HUNK: variants seen among roughly 807,000 people sequenced by gnomAD.
HUNK encodes hormonally up-regulated neu tumor-associated kinase.
A neutral mutation model predicts 61.0 loss-of-function variants in HUNK; 21 were observed. That is an observed-to-expected ratio of 0.34 (90% CI 0.24 to 0.50). The LOEUF (loss-of-function observed/expected upper bound fraction) is 0.50. Ranked by LOEUF, HUNK falls within the 20% of genes least tolerant of loss-of-function variation. The pLI is 0.98. For missense variants in HUNK, 772 were observed against 945.7 expected (o/e 0.82, Z 2.41); for synonymous variants, 371 against 386.1 (o/e 0.96, Z 0.46).
At chr21:31,879,430 T>C (rs1007796605) in intron 1 of HUNK, among the ~76,000 whole-genome samples, 2 of 152,204 alleles carry the variant, frequency 1.3e-5, no homozygotes, top group African/African-American at 4.8e-5. Context: ...TGCCTCATCT[T>C]TTTGAAGTAC....
intron 1 of HUNK, among the ~76,000 whole-genome samples, chr21:31,923,549 G>C (rs191783824): frequency 7.7e-6 from 1 of 130,426 alleles, no homozygotes; most frequent in East Asian, 2.7e-4. Flanking sequence ...AAGGAAGGAA[G>C]GAAAGAAGGA....
intron 7 of HUNK, among the ~76,000 whole-genome samples, chr21:31,976,459 C>T (rs1234112549): frequency 9.4e-5 from 6 of 63,614 alleles, no homozygotes; most frequent in Non-Finnish European, 1.1e-4. Context: ...TTTTTTGAGA[C>T]TTTTTTTTTT....
intron 2 of HUNK, among the ~76,000 whole-genome samples, chr21:31,931,574 G>A (rs747789575): frequency 6.6e-6 from 1 of 151,970 alleles, no homozygotes; most frequent in Non-Finnish European, 1.5e-5. Context: ...CGGGTTGGCG[G>A]GTCCATTAGA....
In HUNK at chr21:31,968,399, C is replaced by T; in HGVS notation, c.1010+14C>T. On this transcript the variant is annotated intron_variant, in intron 6 of 10. Coordinates refer to ENST00000270112, the MANE Select transcript of HUNK (RefSeq NM_014586.2). ...CTATCCCAACAGGTAATTTCGTGCA[C>T]CCAGAGGAACTCCTCGGGAGAGACG... 6.2e-7 allele frequency: 1 copy of T among 1,614,028 alleles called. No homozygotes were observed. Among genetic ancestry groups the T allele is most frequent in the East Asian group, 2.2e-5 (1 of 44,874 alleles).
chr21:31,933,862 A>G (rs1389654476), intron 2 of HUNK, among the ~76,000 whole-genome samples: 1 of 152,038 alleles, frequency 6.6e-6, no homozygotes, highest in Non-Finnish European at 1.5e-5. Flanking sequence ...GCAGGACTGA[A>G]GGAAGATCCT....
chr21:31,923,602 G>A (rs997209341), intron 1 of HUNK, among the ~76,000 whole-genome samples: 1 of 150,686 alleles, frequency 6.6e-6, no homozygotes, highest in Non-Finnish European at 1.5e-5. Flanking sequence ...AGGGAGGGAA[G>A]GGAAGGAAAA....
At chr21:31,996,287 A>G (rs2053205412) in intron 10 of HUNK, among the ~76,000 whole-genome samples, 1 of 152,134 alleles carries the variant, frequency 6.6e-6, no homozygotes, top group South Asian at 2.1e-4. Flanking sequence ...GGCAGAGATG[A>G]GGCTGTAAGG....
intron 1 of HUNK, among the ~76,000 whole-genome samples, chr21:31,881,053 C>T (rs1012397434): frequency 6.6e-6 from 1 of 152,236 alleles, no homozygotes; most frequent in Non-Finnish European, 1.5e-5. Flanking sequence ...GGCATGGCCT[C>T]GTACGGGACA....
rs375017116 is a variant in HUNK, at chr21:31,983,897, C to T, written c.1257+288C>T. On this transcript the variant is annotated intron_variant, in intron 8 of 10. Coordinates refer to ENST00000270112, the MANE Select transcript of HUNK (RefSeq NM_014586.2). ...CCATTGAATCTTGGGAGGTGAGACT[C>T]GGGTATCAGGAGTTTTTAAAGCTCC... 5.6e-4 allele frequency among the ~76,000 whole-genome samples: 86 copies of T among 152,214 alleles called. 1 individual carries two copies. Among genetic ancestry groups the T allele is most frequent in the African/African-American group, 1.9e-3 (77 of 41,530 alleles).
At chr21:31,930,581 G>A (rs1346154695) in intron 2 of HUNK, among the ~76,000 whole-genome samples, 1 of 152,214 alleles carries the variant, frequency 6.6e-6, no homozygotes, top group African/African-American at 2.4e-5. Context: ...TTCTGAGCAC[G>A]TATCCCATGG....
intron 1 of HUNK, among the ~76,000 whole-genome samples, chr21:31,897,499 A>G (rs1377050546): frequency 9.2e-5 from 14 of 152,060 alleles, no homozygotes; most frequent in Admixed American, 9.2e-4. Context: ...CTCTTGTTCA[A>G]ATTTTCCATT....
intron 5 of HUNK, among the ~76,000 whole-genome samples, chr21:31,961,937 G>A (rs2052931956): frequency 1.3e-5 from 2 of 152,200 alleles, no homozygotes; most frequent in Non-Finnish European, 2.9e-5. Flanking sequence ...CCAAGTCTTA[G>A]TGGCTCAGGA....
At position 31,924,505 on chromosome 21, in the gene HUNK, AG is replaced by A. The variant is rs2052646189; in HGVS notation, c.301del (p.Asp101ThrfsTer17). The part of the protein sequence containing the change: ...IKVIDKKRAK[K>X]DTYVTKNLRR... ...GTCATTGATAAGAAGAGAGCCAAAA[AG>A]GACACCTATGTCACCAAAAACCTGC... On this transcript the variant is annotated frameshift_variant, in exon 2 of 11. Coordinates refer to ENST00000270112, the MANE Select transcript of HUNK (RefSeq NM_014586.2). LOFTEE classifies it high-confidence loss of function. The surrounding 1 kb of genome is among the most constrained non-coding windows in gnomAD (Gnocchi z 5.1). The A allele has an allele frequency of 6.2e-7, 1 of 1,613,970 alleles. No individual in the cohort carries two copies. Among genetic ancestry groups the A allele is most frequent in the African/African-American group, 1.3e-5 (1 of 74,896 alleles).
chr21:31,989,723 A>AG (rs2053158692), intron 8 of HUNK, among the ~76,000 whole-genome samples: 1 of 151,620 alleles, frequency 6.6e-6, no homozygotes. Flanking sequence ...CAAAAAAAAA[A>AG]AAAAAAAAAA....
intron 7 of HUNK, among the ~76,000 whole-genome samples, chr21:31,979,619 T>C (rs1201001246): frequency 2.8e-5 from 4 of 144,568 alleles, no homozygotes; most frequent in Non-Finnish European, 4.5e-5. Context: ...GGGTTCACGC[T>C]ATTCTCCAGT....
Position 31,940,194 on chromosome 21 carries a change from A to C in HUNK, c.584A>C (p.Asp195Ala), listed in dbSNP as rs2052760418. The change falls in exon 3 of 11, where the codon GAT becomes GCT. Residue 195 changes from aspartate (D) to alanine (A), a missense_variant. Asp to Ala is a moderately radical substitution (Grantham distance 126). Transcript: ENST00000270112. Reference sequence around the variant, plus strand: ...TTGAAGATAGAGAATTTGCTACTAGATGAAGACAATAATATCAAGCTGATT... The same window carrying C: ...TTGAAGATAGAGAATTTGCTACTAGCTGAAGACAATAATATCAAGCTGATT... ...RDLKIENLLL[D>A]EDNNIKLIDF... 1 of 1,593,114 alleles carries C rather than the reference A, an allele frequency of 6.3e-7. No individual in the cohort carries two copies. The highest frequency in any genetic ancestry group is 1.4e-5 in the African/African-American group (1 of 73,750).
intron 5 of HUNK, among the ~76,000 whole-genome samples, chr21:31,964,703 T>C (rs556916781): frequency 5.4e-4 from 82 of 152,280 alleles, no homozygotes; most frequent in African/African-American, 1.5e-3. Flanking sequence ...CTTCTCAAAG[T>C]CCTTTTTGGA....
chr21:31,886,421 C>CT (rs1264010530), intron 1 of HUNK, among the ~76,000 whole-genome samples: 2 of 92,776 alleles, frequency 2.2e-5, no homozygotes, highest in Non-Finnish European at 4.5e-5. Context: ...ATGAGACTGT[C>CT]TCAAAAAAAA....
Position 31,873,576 on chromosome 21 carries a change from GGGC to G in HUNK, c.-90_-88del. On this transcript the variant is annotated 5_prime_UTR_variant, in exon 1 of 11. Coordinates refer to ENST00000270112, the MANE Select transcript of HUNK (RefSeq NM_014586.2). The surrounding 1 kb of genome is among the most constrained non-coding windows in gnomAD (Gnocchi z 6.1). ...GGAGACCCAGGCGGGGCTGGGCCCA[GGGC>G]GGCGGCGGGAGAAGCCGGGGAAGCC... 2.1e-6 allele frequency: 2 copies of G among 932,352 alleles called. No homozygotes were observed. The highest frequency in any genetic ancestry group is 2.6e-6 in the Non-Finnish European group (2 of 781,522). The allele number at this position is 932,352 out of a possible 1,614,324, so 57.8% of individuals were successfully genotyped here. A position where few individuals can be genotyped will look rare whatever the true frequency, so the allele number is the denominator to read the frequency against.
Sources: gnomAD v4.1 joint callset for allele counts (sites outside exome capture counted in the v4.1 genomes callset) on GRCh38, gnomAD v4.1.1 for gene constraint, Gnocchi (gnomAD v3.1) non-coding constraint, MANE v1.5 for transcripts, NCBI Gene and HGNC (gene_info 2026-07-23, HGNC 2026-07-21) for gene names.